GPR158: variants seen among roughly 807,000 people sequenced by gnomAD.
GPR158 encodes the protein metabotropic glycine receptor.
In GPR158, 30 loss-of-function variants were observed where a neutral mutation model predicts 78.2. The observed-to-expected ratio is 0.38, with a 90% confidence interval of 0.29 to 0.52. The LOEUF is 0.52. Ranked by LOEUF, GPR158 falls within the 20% of genes least tolerant of loss-of-function variation. The pLI is 0.83. For missense variants in GPR158, 1,463 were observed against 1,523.5 expected (o/e 0.96, Z 0.66); for synonymous variants, 581 against 591.1 (o/e 0.98, Z 0.25).
At chr10:25,489,866 A>C (rs766251042) in intron 5 of GPR158, among the ~76,000 whole-genome samples, 10 of 152,232 alleles carry the variant, frequency 6.6e-5, no homozygotes, top group Admixed American at 1.3e-4. Flanking sequence ...CATACAAATT[A>C]GAAATATAAA....
intron 2 of GPR158, among the ~76,000 whole-genome samples, chr10:25,334,578 A>G (rs1457525959): frequency 6.6e-6 from 1 of 151,994 alleles, no homozygotes; most frequent in Non-Finnish European, 1.5e-5. Context: ...CAGAGCTAGA[A>G]TGTACGATAT....
intron 5 of GPR158, among the ~76,000 whole-genome samples, chr10:25,515,531 C>A (rs1447724261): frequency 8.5e-6 from 1 of 118,134 alleles, no homozygotes; most frequent in Non-Finnish European, 1.7e-5. Context: ...CCCCCCACCC[C>A]ACCACAGTCC....
chr10:25,249,780 T>G (rs1215118097), intron 2 of GPR158, among the ~76,000 whole-genome samples: 1 of 152,098 alleles, frequency 6.6e-6, no homozygotes, highest in African/African-American at 2.4e-5. Flanking sequence ...TCTCTTTTTT[T>G]GTTCTGTCTC....
chr10:25,454,103 A>C (rs1835259825), intron 4 of GPR158, among the ~76,000 whole-genome samples: 1 of 151,962 alleles, frequency 6.6e-6, no homozygotes, highest in African/African-American at 2.4e-5. Context: ...TTCTTTCATC[A>C]ATATCTTATA....
intron 2 of GPR158, among the ~76,000 whole-genome samples, chr10:25,348,245 T>C (rs558562706): frequency 1.3e-5 from 2 of 152,050 alleles, no homozygotes; most frequent in African/African-American, 4.8e-5. Flanking sequence ...CCTGAAAATT[T>C]TGGGTAGGAG....
In GPR158 at chr10:25,387,219, C is replaced by T. The variant is rs531020319; in HGVS notation, c.1009-8692C>T. On this transcript the variant is annotated intron_variant, in intron 2 of 10. Coordinates refer to ENST00000376351, the MANE Select transcript of GPR158 (RefSeq NM_020752.3). ...ATTGTGTCAGATGCTTTCTCTGCAT[C>T]ACTTGAGATGATCGTTTGGTTTTGT... 1.7e-4 allele frequency among the ~76,000 whole-genome samples: 26 copies of T among 152,290 alleles called. No individual in the cohort carries two copies. The South Asian group carries it at 5.4e-3, about 32-fold the overall frequency.
intron 2 of GPR158, among the ~76,000 whole-genome samples, chr10:25,265,348 T>A (rs1174677124): frequency 2.0e-5 from 3 of 152,294 alleles, no homozygotes; most frequent in East Asian, 3.9e-4. Context: ...GAAAGTCATA[T>A]GTTCCAGATT....
intron 4 of GPR158, among the ~76,000 whole-genome samples, 169 bp downstream of exon 4, chr10:25,412,642 G>T (rs112327562): frequency 0.011 from 1,637 of 152,264 alleles, 8 homozygotes; most frequent in Non-Finnish European, 0.016. Context: ...CAGAAAAATA[G>T]AGATTAAAAC....
At chr10:25,445,238 A>G (rs1380600977) in intron 4 of GPR158, among the ~76,000 whole-genome samples, 2 of 152,198 alleles carry the variant, frequency 1.3e-5, no homozygotes, top group Non-Finnish European at 2.9e-5. Context: ...GTCTTCCTAG[A>G]AAATATGATA....
chr10:25,418,041 C>T (rs546140293), intron 4 of GPR158, among the ~76,000 whole-genome samples: 1 of 152,168 alleles, frequency 6.6e-6, no homozygotes, highest in African/African-American at 2.4e-5. Flanking sequence ...GATAGGAAAA[C>T]CAATAACAAT....
intron 2 of GPR158, among the ~76,000 whole-genome samples, chr10:25,286,403 T>G (rs918942236): frequency 8.5e-5 from 13 of 152,302 alleles, no homozygotes; most frequent in African/African-American, 2.6e-4. Context: ...TTTGTTACTG[T>G]GCTTTTCACT....
intron 4 of GPR158, among the ~76,000 whole-genome samples, chr10:25,423,061 C>T (rs1316905685): frequency 1.3e-5 from 2 of 151,056 alleles, no homozygotes; most frequent in African/African-American, 2.4e-5. Flanking sequence ...TAGTATTCCA[C>T]GGTATGTCTG....
At chr10:25,570,451 T>C (rs1160151555) in intron 6 of GPR158, among the ~76,000 whole-genome samples, 46 of 152,272 alleles carry the variant, frequency 3.0e-4, no homozygotes, top group Non-Finnish European at 4.4e-5. Context: ...CAAAATGTAT[T>C]ATCTACTGCA....
chr10:25,214,293 C>T (rs1216939553), intron 1 of GPR158, among the ~76,000 whole-genome samples: 7 of 151,906 alleles, frequency 4.6e-5, no homozygotes, highest in South Asian at 2.1e-4. Flanking sequence ...CACGCCTGGC[C>T]GAGTCTCCCT....
At chr10:25,422,754 C>T (rs534219473) in intron 4 of GPR158, among the ~76,000 whole-genome samples, 49 of 151,716 alleles carry the variant, frequency 3.2e-4, no homozygotes, top group African/African-American at 1.1e-3. Flanking sequence ...TGTTGGGTTA[C>T]ACGAATAAGT....
rs143452841 is a variant in GPR158 at position 25,463,594 on chromosome 10, T to C, written c.1336-3057T>C. The stretch of plus-strand genomic sequence containing the variant: ...GTTTCCCAGTTAACAACTCTGGTTA[T>C]AGTTTCATATCACCATTTCTTTCTA... On this transcript the variant is annotated intron_variant, in intron 4 of 10. Transcript: ENST00000376351. 7.9e-5 allele frequency among the ~76,000 whole-genome samples: 12 copies of C among 152,330 alleles called. No individual in the cohort carries two copies. In the East Asian group the frequency reaches 2.3e-3, roughly 29 times the overall value.
intron 2 of GPR158, among the ~76,000 whole-genome samples, chr10:25,389,484 A>C (rs889914580): frequency 1.3e-5 from 2 of 152,136 alleles, no homozygotes; most frequent in African/African-American, 4.8e-5. Flanking sequence ...GGCTACAGAG[A>C]GGAGTTCCCC....
intron 5 of GPR158, among the ~76,000 whole-genome samples, chr10:25,477,907 A>T (rs2130632113): frequency 6.6e-6 from 1 of 152,274 alleles, no homozygotes; most frequent in African/African-American, 2.4e-5. Flanking sequence ...ATGCCAAGAC[A>T]CTTTTTTCTC....
rs549548557 is a variant in GPR158, at chr10:25,581,010, C to T, written c.1754-7997C>T. ...CGCAATCTCGGCTCACTGCAAGCTC[C>T]GCTTCCCGGGTTCACGCCATTCTCC... is the stretch of plus-strand genomic sequence containing the variant. On this transcript the variant is annotated intron_variant, in intron 7 of 10. Transcript: ENST00000376351. Among the ~76,000 whole-genome samples, 377 of 147,398 alleles carry T rather than the reference C, an allele frequency of 2.6e-3. 1 individual carries two copies. The highest frequency in any genetic ancestry group is 4.2e-3 in the Non-Finnish European group (275 of 66,118).
Sources: allele counts gnomAD v4.1 joint callset (sites outside exome capture counted in the v4.1 genomes callset), GRCh38; gene constraint gnomAD v4.1.1; transcripts MANE v1.5; gene names NCBI Gene and HGNC (gene_info 2026-07-23, HGNC 2026-07-21).